The following FSTL5 variants were observed in gnomAD, a reference collection of about 807,000 sequenced individuals.
FSTL5 encodes the protein follistatin-related protein 5.
A neutral mutation model predicts 89.1 loss-of-function variants in FSTL5; 62 were observed. That is an observed-to-expected ratio of 0.70 (90% CI 0.57 to 0.86). The LOEUF (loss-of-function observed/expected upper bound fraction) is 0.86. FSTL5 is among the 40% of genes least tolerant of loss of function. The pLI, the probability that FSTL5 is intolerant of heterozygous loss-of-function variation, is 0.00. For missense variants in FSTL5, 1,057 were observed against 1,001.6 expected (o/e 1.06, Z -0.75); for synonymous variants, 383 against 346.2 (o/e 1.11, Z -1.18).
At chr4:161,428,617 T>A (rs903348522) in intron 15 of FSTL5, among the ~76,000 whole-genome samples, 1 of 152,134 alleles carries the variant, frequency 6.6e-6, no homozygotes, top group Admixed American at 6.5e-5. Context: ...AGACACACCC[T>A]GGGCCAGAAG....
At chr4:161,447,515 A>C (rs1271749569) in intron 15 of FSTL5, among the ~76,000 whole-genome samples, 1 of 152,126 alleles carries the variant, frequency 6.6e-6, no homozygotes, top group Admixed American at 6.6e-5. Flanking sequence ...AACAAAGACC[A>C]AGAAGGGAAG....
chr4:161,553,058 A>G (rs950570823), intron 8 of FSTL5, among the ~76,000 whole-genome samples: 5 of 151,728 alleles, frequency 3.3e-5, no homozygotes, highest in African/African-American at 7.2e-5. Flanking sequence ...TGCATGGACT[A>G]CCATGAAAAG....
chr4:161,988,085 G>A (rs1736016780), intron 3 of FSTL5, among the ~76,000 whole-genome samples: 1 of 150,476 alleles, frequency 6.6e-6, no homozygotes, highest in Non-Finnish European at 1.5e-5. Flanking sequence ...ACAGAGAAAA[G>A]TAATGGGAGA....
At chr4:161,630,063 C>A (rs987783907) in intron 7 of FSTL5, among the ~76,000 whole-genome samples, 13 of 152,200 alleles carry the variant, frequency 8.5e-5, no homozygotes, top group African/African-American at 3.1e-4. Flanking sequence ...AACTAGGAGA[C>A]ACTTTCCTCC....
At chr4:161,392,410 G>C (rs1259865770) in intron 15 of FSTL5, among the ~76,000 whole-genome samples, 3 of 151,968 alleles carry the variant, frequency 2.0e-5, no homozygotes, top group Non-Finnish European at 4.4e-5. Flanking sequence ...ATTTTTTGTA[G>C]AGATGGGTCT....
chr4:161,781,934 T>A (rs1324603011), intron 4 of FSTL5, among the ~76,000 whole-genome samples: 2 of 152,154 alleles, frequency 1.3e-5, no homozygotes, highest in African/African-American at 4.8e-5. Flanking sequence ...CAACCACTGA[T>A]TTTTTTTATG....
At chr4:161,792,068 G>C (rs1250258835) in intron 4 of FSTL5, among the ~76,000 whole-genome samples, 1 of 152,144 alleles carries the variant, frequency 6.6e-6, no homozygotes, top group Admixed American at 6.5e-5. Context: ...GGTGGCCCAA[G>C]AAGTTCCTCC....
At chr4:161,850,038 T>C (rs1398110792) in intron 4 of FSTL5, among the ~76,000 whole-genome samples, 3 of 152,188 alleles carry the variant, frequency 2.0e-5, no homozygotes, top group African/African-American at 7.2e-5. Flanking sequence ...AAGGAAATGT[T>C]AATTTTGCAT....
chr4:162,040,313 T>C (rs913529042), intron 2 of FSTL5, among the ~76,000 whole-genome samples: 3 of 152,080 alleles, frequency 2.0e-5, no homozygotes, highest in African/African-American at 4.8e-5. Context: ...TGGAAATTCA[T>C]GGAACTTGAG....
rs116110322 is a variant in FSTL5 at position 161,578,106 on chromosome 4, G to T, written c.1015+9349C>A. Among the ~76,000 whole-genome samples the T allele has an allele frequency of 8.1e-3, 1,230 of 152,026 alleles. 12 individuals are homozygous for T. The highest frequency in any genetic ancestry group is 0.027 in the African/African-American group (1,127 of 41,480). On this transcript the variant is annotated intron_variant, in intron 8 of 15. Transcript: ENST00000306100. Reference sequence around the variant, plus strand: ...AAATTAACAGATGTGAGAAGGAGTGGAAAATATGACTCATGAGAGAAAAAT... The same window carrying T: ...AAATTAACAGATGTGAGAAGGAGTGTAAAATATGACTCATGAGAGAAAAAT...
intron 6 of FSTL5, among the ~76,000 whole-genome samples, chr4:161,678,912 T>A (rs1053426131): frequency 6.6e-6 from 1 of 151,724 alleles, no homozygotes; most frequent in Admixed American, 6.6e-5. Context: ...ATACGTAGGG[T>A]CCATTTTTAT....
chr4:161,417,420 A>G (rs1731827836), intron 15 of FSTL5, among the ~76,000 whole-genome samples: 1 of 152,208 alleles, frequency 6.6e-6, no homozygotes, highest in African/African-American at 2.4e-5. Context: ...GTCACCTTAC[A>G]TTTCAGCTAA....
chr4:161,894,799 G>A (rs559494953), intron 4 of FSTL5, among the ~76,000 whole-genome samples: 9 of 152,198 alleles, frequency 5.9e-5, no homozygotes, highest in Non-Finnish European at 1.2e-4. Flanking sequence ...ATATACACAC[G>A]TTATGTTTGA....
chr4:161,852,690 A>G (rs139660411), intron 4 of FSTL5, among the ~76,000 whole-genome samples: 1 of 152,366 alleles, frequency 6.6e-6, no homozygotes, highest in African/African-American at 2.4e-5. Context: ...TATTCACAAT[A>G]GTAAAGACAT....
intron 8 of FSTL5, among the ~76,000 whole-genome samples, chr4:161,551,096 T>C (rs146228026): frequency 0.13 from 19,107 of 151,596 alleles, 1,395 homozygotes; most frequent in African/African-American, 0.2. Flanking sequence ...TGAGTATATA[T>C]CCAGTAATGG....
At chr4:161,826,307 C>T (rs895977291) in intron 4 of FSTL5, among the ~76,000 whole-genome samples, 2 of 152,066 alleles carry the variant, frequency 1.3e-5, no homozygotes, top group African/African-American at 4.8e-5. Flanking sequence ...TATGGTCTCT[C>T]TTGGAGAAAG....
chr4:161,999,716 T>C (rs1211216996), intron 3 of FSTL5, among the ~76,000 whole-genome samples: 4 of 152,210 alleles, frequency 2.6e-5, no homozygotes, highest in Admixed American at 2.6e-4. Context: ...TTCAATTATC[T>C]CTTAATTTTA....
chr4:161,490,665 T>C lies in FSTL5; in HGVS notation c.1458+9351A>G, dbSNP rs563665414. 4.3e-3 allele frequency among the ~76,000 whole-genome samples: 659 copies of C among 152,296 alleles called. 12 individuals carry two copies. In the South Asian group the frequency reaches 0.05, roughly 12 times the overall value. ...AGGCTTAACAGGTTTACAAGACTAC[T>C]ATTGACTGAAAAAATTACTCTGAAA... On this transcript the variant is annotated intron_variant, in intron 12 of 15. Transcript: ENST00000306100.
intron 4 of FSTL5, among the ~76,000 whole-genome samples, chr4:161,833,727 T>A (rs966397953): frequency 4.6e-5 from 7 of 152,002 alleles, no homozygotes; most frequent in African/African-American, 1.7e-4. Context: ...TGCTTTCCAT[T>A]TGCTTGGTAG....
Sources: gnomAD v4.1 joint callset for allele counts (sites outside exome capture counted in the v4.1 genomes callset) on GRCh38, gnomAD v4.1.1 for gene constraint, MANE v1.5 for transcripts, NCBI Gene and HGNC (gene_info 2026-07-23, HGNC 2026-07-21) for gene names.